The following MYL9 variants were observed in gnomAD, a reference collection of about 807,000 sequenced individuals.
The protein encoded by MYL9 is myosin light chain 9.
In MYL9, 7 loss-of-function variants were observed where a neutral mutation model predicts 12.8. The observed-to-expected ratio is 0.55, with a 90% CI of 0.31 to 1.03. The LOEUF (loss-of-function observed/expected upper bound fraction) is 1.03. Ranked by LOEUF, MYL9 falls within the 50% of genes least tolerant of loss-of-function variation. MYL9 has a pLI of 0.05. For synonymous variants in MYL9, 81 were observed against 87.8 expected (o/e 0.92, Z 0.43); for missense variants, 190 against 242.7 (o/e 0.78, Z 1.44).
At chr20:36,546,513 C>A (rs2038101990) in intron 2 of MYL9, among the ~76,000 whole-genome samples, 1 of 152,220 alleles carries the variant, frequency 6.6e-6, no homozygotes, top group Non-Finnish European at 1.5e-5. Context: ...TGACAGCACG[C>A]TGCCCCCGGC....
rs540832168 is a variant in MYL9, at chr20:36,549,406, C to T, written c.*157C>T. 510 of 670,244 alleles carry T rather than the reference C, an allele frequency of 7.6e-4. 5 individuals carry two copies. The African/African-American group carries it at 8.4e-3, about 11-fold the overall frequency. 41.5% of individuals were successfully genotyped at this position (670,244 alleles called of 1,614,324 possible). A position where few individuals can be genotyped will look rare whatever the true frequency, so the allele number is the denominator to read the frequency against. ...TGGAAGAAACAGGCCAGGAGAAGTGCGTGCCGAGCTGAGGCAGATGTTCCC... is the reference window on the plus strand; with the variant it reads ...TGGAAGAAACAGGCCAGGAGAAGTGTGTGCCGAGCTGAGGCAGATGTTCCC... On this transcript the variant is annotated 3_prime_UTR_variant, in exon 4 of 4. Transcript: ENST00000279022.
Position 36,549,252 on chromosome 20 carries a change from C to T in MYL9, c.*3C>T, listed in dbSNP as rs768574011. 7.5e-6 allele frequency: 12 copies of T among 1,601,744 alleles called. No individual in the cohort carries two copies. The highest frequency in any genetic ancestry group is 1.3e-5 in the African/African-American group (1 of 74,630). On this transcript the variant is annotated 3_prime_UTR_variant, in exon 4 of 4. Transcript: ENST00000279022. The stretch of plus-strand genomic sequence containing the variant: ...GCGCCAAGGATAAAGACGACTAGGC[C>T]ACCCCAGCCCCCTGACACCCCAGCC...
chr20:36,545,149 G>A, intron 2 of MYL9, 81 bp downstream of exon 2: 1 of 1,451,928 alleles, frequency 6.9e-7, no homozygotes, highest in Non-Finnish European at 9.5e-7. Flanking sequence ...CTCCTGTGTA[G>A]TGAGACGCGT....
intron 2 of MYL9, among the ~76,000 whole-genome samples, chr20:36,545,761 T>C (rs1351905151): frequency 2.6e-5 from 4 of 151,522 alleles, no homozygotes; most frequent in Admixed American, 6.6e-5. Flanking sequence ...AAACCCCGTC[T>C]CTACTAAAAA....
chr20:36,541,941 G>A (rs1490089118), intron 1 of MYL9, among the ~76,000 whole-genome samples: 1 of 152,066 alleles, frequency 6.6e-6, no homozygotes, highest in Non-Finnish European at 1.5e-5. Flanking sequence ...GCAGTCGTCA[G>A]TTCCCCCTGG....
intron 2 of MYL9, among the ~76,000 whole-genome samples, chr20:36,545,649 G>A (rs115422879): frequency 0.022 from 3,336 of 151,884 alleles, 147 homozygotes; most frequent in African/African-American, 0.076. Flanking sequence ...GGGGTCAGCT[G>A]GCCAGGCGCT....
At chr20:36,547,992 G>A in intron 2 of MYL9, 40 bp from the exon 3 acceptor site, 1 of 1,557,210 alleles carries the variant, frequency 6.4e-7, no homozygotes, top group Non-Finnish European at 8.7e-7. Flanking sequence ...TGGGGACAGA[G>A]GGCCCAGGAC....
At chr20:36,541,631 C>T (rs961607337) in intron 1 of MYL9, 70 bp downstream of exon 1, 1 of 152,560 alleles carries the variant, frequency 6.6e-6, no homozygotes, top group African/African-American at 2.4e-5. Context: ...AGAGGTGGCC[C>T]GGGCCCGACC....
At chr20:36,547,916 T>C (rs2038119503) in intron 2 of MYL9, 116 bp from the exon 3 acceptor site, 1 of 1,270,098 alleles carries the variant, frequency 7.9e-7, no homozygotes, top group Middle Eastern at 2.8e-4. Flanking sequence ...CAAAACCCAC[T>C]ACCTCCCGTC....
intron 1 of MYL9, among the ~76,000 whole-genome samples, chr20:36,544,170 G>C (rs2147895080): frequency 6.6e-6 from 1 of 152,282 alleles, no homozygotes; most frequent in Middle Eastern, 3.4e-3. Flanking sequence ...TAAGCAGTGG[G>C]GAGTGAGAAC....
rs1281887932 is a variant in MYL9 at position 36,549,319 on chromosome 20, C to T, written c.*70C>T. On this transcript the variant is annotated 3_prime_UTR_variant, in exon 4 of 4. Coordinates refer to ENST00000279022, the MANE Select transcript of MYL9 (RefSeq NM_006097.5). ...CCCCGCACACACCCGTCCATACCAG[C>T]TCCCTGCCCATGACCCTCGCTCAGG... is the stretch of plus-strand genomic sequence containing the variant. 4.5e-6 allele frequency: 6 copies of T among 1,338,664 alleles called. No homozygotes were observed. The South Asian group carries it at 7.0e-5, about 16-fold the overall frequency. The allele number at this position is 1,338,664 out of a possible 1,614,324, so 82.9% of individuals were successfully genotyped here.
chr20:36,545,771 A>C (rs528205442), intron 2 of MYL9, among the ~76,000 whole-genome samples: 1 of 151,412 alleles, frequency 6.6e-6, no homozygotes, highest in African/African-American at 2.4e-5. Flanking sequence ...TCTACTAAAA[A>C]TACAAAAATT....
chr20:36,543,343 A>G (rs750560402), intron 1 of MYL9, among the ~76,000 whole-genome samples: 9 of 152,180 alleles, frequency 5.9e-5, no homozygotes, highest in Non-Finnish European at 1.3e-4. Flanking sequence ...AGGACCGAGA[A>G]TGACTTCAAC....
Position 36,548,197 on chromosome 20 carries a change from C to G in MYL9, c.346+4C>G. On this transcript the variant is annotated splice_donor_region_variant and intron_variant, in intron 3 of 3. Transcript: ENST00000279022. ...TGCTTCGACGAGGAAGCCTCAGGTC[C>G]GTGGCGCCCCCTACCACCACTCTGC... is the stretch of plus-strand genomic sequence containing the variant. 6.2e-7 allele frequency: 1 copy of G among 1,602,822 alleles called. No individual in the cohort carries two copies. Among genetic ancestry groups the G allele is most frequent in the Admixed American group, 1.7e-5 (1 of 59,188 alleles).
At chr20:36,545,977 G>A (rs1476851043) in intron 2 of MYL9, among the ~76,000 whole-genome samples, 1 of 152,172 alleles carries the variant, frequency 6.6e-6, no homozygotes, top group Non-Finnish European at 1.5e-5. Context: ...TGAACTGCAG[G>A]CTGCCCACTG....
In MYL9 at chr20:36,549,482, A is replaced by C; in HGVS notation, c.*233A>C. 2.1e-6 allele frequency: 1 copy of C among 472,144 alleles called. No homozygotes were observed. The highest frequency in any genetic ancestry group is 3.8e-6 in the Non-Finnish European group (1 of 261,526). 29.2% of individuals were successfully genotyped at this position (472,144 alleles called of 1,614,324 possible). A position where few individuals can be genotyped will look rare whatever the true frequency, so the allele number is the denominator to read the frequency against. On this transcript the variant is annotated 3_prime_UTR_variant, in exon 4 of 4. Transcript: ENST00000279022. ...TAGTCTCTGACCCCTCCAAGGAAAG[A>C]CCACCTTCTGGGGACATGGGCTGGA...
chr20:36,548,436 G>C (rs2038129235), intron 3 of MYL9, among the ~76,000 whole-genome samples: 1 of 152,206 alleles, frequency 6.6e-6, no homozygotes, highest in Admixed American at 6.5e-5. Flanking sequence ...ATCTGTTTTA[G>C]ACCTTTCCAG....
In MYL9 at chr20:36,544,854, T is replaced by G; in HGVS notation, c.-26-5T>G. On this transcript the variant is annotated splice_region_variant and splice_polypyrimidine_tract_variant and intron_variant, in intron 1 of 3. Coordinates refer to ENST00000279022, the MANE Select transcript of MYL9 (RefSeq NM_006097.5). ...GGGCCACCCAACCCCCACCCCTTCC[T>G]GCAGGGAAGCCCCACCCACCAGAAG... 2.9e-6 allele frequency: 3 copies of G among 1,041,282 alleles called. No homozygotes were observed. Among genetic ancestry groups the G allele is most frequent in the Non-Finnish European group, 4.2e-6 (3 of 715,564 alleles). The allele number at this position is 1,041,282 out of a possible 1,614,324, so 64.5% of individuals were successfully genotyped here.
In MYL9 at chr20:36,549,398, G is replaced by A; in HGVS notation, c.*149G>A. On this transcript the variant is annotated 3_prime_UTR_variant, in exon 4 of 4. Transcript: ENST00000279022. Reference sequence around the variant, plus strand: ...GTTCCCAGTGGAAGAAACAGGCCAGGAGAAGTGCGTGCCGAGCTGAGGCAG... The same window carrying A: ...GTTCCCAGTGGAAGAAACAGGCCAGAAGAAGTGCGTGCCGAGCTGAGGCAG... 1.4e-6 allele frequency: 1 copy of A among 705,444 alleles called. No homozygotes were observed. The highest frequency in any genetic ancestry group is 2.3e-6 in the Non-Finnish European group (1 of 426,804). 43.7% of individuals were successfully genotyped at this position (705,444 alleles called of 1,614,324 possible).
Sources: allele counts gnomAD v4.1 joint callset (sites outside exome capture counted in the v4.1 genomes callset), GRCh38; gene constraint gnomAD v4.1.1; transcripts MANE v1.5; gene names NCBI Gene and HGNC (gene_info 2026-07-23, HGNC 2026-07-21).